KCNMA1: variants seen among roughly 807,000 people sequenced by gnomAD.
KCNMA1 encodes potassium calcium-activated channel subfamily M alpha 1, also known as Calcium-activated potassium channel subunit alpha-1.
A neutral mutation model predicts 140.0 loss-of-function variants in KCNMA1; 29 were observed. That is an observed-to-expected ratio of 0.21 (90% CI 0.15 to 0.28). KCNMA1 has a LOEUF of 0.28. Ranked by LOEUF, KCNMA1 falls within the 10% of genes least tolerant of loss-of-function variation. The pLI is 1.00. For missense variants in KCNMA1, 880 were observed against 1,602.2 expected, an observed-to-expected ratio of 0.55 and a Z score of 7.70; for synonymous variants, 612 against 611.9, an observed-to-expected ratio of 1.00 and a Z score of 0.00.
intron 1 of KCNMA1, among the ~76,000 whole-genome samples, chr10:77,472,172 G>A (rs1253224791): frequency 6.7e-6 from 1 of 148,166 alleles, no homozygotes; most frequent in Non-Finnish European, 1.5e-5. Context: ...TATATTCACT[G>A]CCCACATACA....
intron 10 of KCNMA1, among the ~76,000 whole-genome samples, chr10:77,087,317 C>T (rs1241059622): frequency 6.6e-6 from 1 of 152,114 alleles, no homozygotes; most frequent in East Asian, 1.9e-4. Flanking sequence ...TAATAAATCT[C>T]TCTAGAGATA....
At chr10:76,880,312 T>TA (rs549718339), downstream of KCNMA1, among the ~76,000 whole-genome samples, 251 of 147,548 alleles carry the variant, frequency 1.7e-3, 1 homozygote, top group Admixed American at 3.7e-3. Context: ...TTCTTGCCAT[T>TA]AAAAAAAAAA....
chr10:77,310,231 G>A lies in KCNMA1; in HGVS notation c.541-58975C>T, dbSNP rs564561320. 3.3e-5 allele frequency among the ~76,000 whole-genome samples: 5 copies of A among 152,240 alleles called. No homozygotes were observed. In the East Asian group the frequency reaches 9.6e-4, roughly 29 times the overall value. ...CTCAAATATTGAAACCTTTTGTACC[G>A]GCTGGTAAACAGCCAATGGCCTTGA... On this transcript the variant is annotated intron_variant, in intron 2 of 27. Coordinates refer to ENST00000286628, the MANE Select transcript of KCNMA1 (RefSeq NM_001161352.2).
chr10:77,508,272 T>G (rs1165486235), intron 1 of KCNMA1, among the ~76,000 whole-genome samples: 1 of 151,610 alleles, frequency 6.6e-6, no homozygotes, highest in Middle Eastern at 3.2e-3. Flanking sequence ...CCCCCTGGGC[T>G]CAAGCAATCC....
intron 1 of KCNMA1, among the ~76,000 whole-genome samples, chr10:77,440,683 C>T (rs1216429853): frequency 2.0e-5 from 3 of 152,116 alleles, no homozygotes; most frequent in South Asian, 2.1e-4. Context: ...GGAAAAAAAC[C>T]CCTCTACCGT....
At chr10:77,188,335 G>A (rs1162031266) in intron 3 of KCNMA1, among the ~76,000 whole-genome samples, 1 of 152,000 alleles carries the variant, frequency 6.6e-6, no homozygotes, top group Admixed American at 6.6e-5. Context: ...TCTGCCTCTG[G>A]TAGTAGAAAA....
chr10:77,158,278 T>C (rs1352323894), intron 5 of KCNMA1, among the ~76,000 whole-genome samples: 1 of 152,158 alleles, frequency 6.6e-6, no homozygotes, highest in Non-Finnish European at 1.5e-5. Context: ...GGCTCAAGAT[T>C]AAAAGCTATA....
chr10:77,489,920 A>G (rs1393219598), intron 1 of KCNMA1, among the ~76,000 whole-genome samples: 1 of 151,212 alleles, frequency 6.6e-6, no homozygotes, highest in Non-Finnish European at 1.5e-5. Flanking sequence ...TCAGCAAGTC[A>G]CTCCCCCTTC....
intron 2 of KCNMA1, among the ~76,000 whole-genome samples, chr10:77,272,027 A>G (rs1367442767): frequency 6.6e-6 from 1 of 152,162 alleles, no homozygotes; most frequent in African/African-American, 2.4e-5. Context: ...TCCTTTCTAA[A>G]GCACGACTGA....
chr10:77,069,381 T>C (rs2096094776), intron 14 of KCNMA1, among the ~76,000 whole-genome samples: 1 of 152,212 alleles, frequency 6.6e-6, no homozygotes, highest in South Asian at 2.1e-4. Flanking sequence ...CAGCAGCTGC[T>C]GAGCTGGAGG....
At chr10:77,071,848 T>A (rs924758798) in intron 14 of KCNMA1, among the ~76,000 whole-genome samples, 1 of 152,246 alleles carries the variant, frequency 6.6e-6, no homozygotes, top group African/African-American at 2.4e-5. Context: ...GTTGGCTACA[T>A]AATGCCGATT....
intron 21 of KCNMA1, chr10:76,952,244 G>C (rs1005833692): frequency 3.6e-5 from 52 of 1,443,916 alleles, no homozygotes; most frequent in Middle Eastern, 3.7e-4. Flanking sequence ...TATATGGCTG[G>C]GTGCAGTGAC....
chr10:77,323,531 C>T (rs1025081248), intron 2 of KCNMA1, among the ~76,000 whole-genome samples: 1 of 152,170 alleles, frequency 6.6e-6, no homozygotes, highest in African/African-American at 2.4e-5. Flanking sequence ...TTTCCTCTGT[C>T]CCCATCCCAA....
At chr10:77,423,655 G>A (rs1490828743) in intron 1 of KCNMA1, among the ~76,000 whole-genome samples, 1 of 152,120 alleles carries the variant, frequency 6.6e-6, no homozygotes, top group East Asian at 1.9e-4. Context: ...TGCCTTCTCT[G>A]CCTCTCCAAT....
intron 6 of KCNMA1, 45 bp downstream of exon 6, chr10:77,120,928 G>A: frequency 9.5e-7 from 1 of 1,057,390 alleles, no homozygotes. Flanking sequence ...TTGCAACTTG[G>A]CATAGGGGAC....
At chr10:77,450,915 T>C (rs1026503857) in intron 1 of KCNMA1, among the ~76,000 whole-genome samples, 2 of 152,226 alleles carry the variant, frequency 1.3e-5, no homozygotes, top group Non-Finnish European at 2.9e-5. Context: ...GTTCTCATTA[T>C]AGTGAATAGG....
intron 5 of KCNMA1, among the ~76,000 whole-genome samples, chr10:77,174,955 C>A (rs1404459841): frequency 6.6e-6 from 1 of 152,170 alleles, no homozygotes; most frequent in Non-Finnish European, 1.5e-5. Flanking sequence ...AAGGCTTGGC[C>A]TGAACATGAA....
chr10:77,447,805 A>G (rs1449912013), intron 1 of KCNMA1, among the ~76,000 whole-genome samples: 2 of 152,246 alleles, frequency 1.3e-5, no homozygotes, highest in East Asian at 3.8e-4. Context: ...CTCATCAGCA[A>G]TGCTGCTACT....
chr10:77,200,656 C>G (rs1201211052), intron 3 of KCNMA1, among the ~76,000 whole-genome samples: 1 of 151,506 alleles, frequency 6.6e-6, no homozygotes, highest in Non-Finnish European at 1.5e-5. Context: ...AAAAAAAACC[C>G]ACCCTAGTAA....
Sources: allele counts gnomAD v4.1 joint callset (sites outside exome capture counted in the v4.1 genomes callset), GRCh38; gene constraint gnomAD v4.1.1; transcripts MANE v1.5; gene names NCBI Gene and HGNC (gene_info 2026-07-23, HGNC 2026-07-21).